The following AR variants were observed in gnomAD, a reference collection of about 807,000 sequenced individuals.
AR encodes dihydrotestosterone receptor.
A neutral mutation model predicts 53.9 loss-of-function variants in AR; 8 were observed. The observed-to-expected ratio is 0.15, with a 90% CI of 0.09 to 0.27. The LOEUF (loss-of-function observed/expected upper bound fraction) is 0.27, where lower values mean the gene tolerates loss of function less well. Among genes scored for constraint, AR ranks in the 10% least tolerant of loss-of-function variants. The pLI, the probability that AR is intolerant of heterozygous loss-of-function variation, is 1.00. For missense variants in AR, 639 were observed against 742.5 expected, an observed-to-expected ratio of 0.86 and a Z score of 1.62; for synonymous variants, 359 against 316.4, an observed-to-expected ratio of 1.13 and a Z score of -1.43.
intron 1 of AR, among the ~76,000 whole-genome samples, chrX:67,627,158 G>A (rs1924713957): frequency 9.0e-6 from 1 of 111,076 alleles, no homozygotes; most frequent in Non-Finnish European, 1.9e-5. Flanking sequence ...TAATGGGATG[G>A]CTGGTTCAAA....
intron 1 of AR, among the ~76,000 whole-genome samples, chrX:67,619,703 A>G (rs1303561302): frequency 9.0e-6 from 1 of 111,330 alleles, no homozygotes; most frequent in Non-Finnish European, 1.9e-5. Context: ...AAATGAGGTT[A>G]AAGTATGTAG....
chrX:67,553,904 G>A (rs1479990089), intron 1 of AR, among the ~76,000 whole-genome samples: 1 of 111,984 alleles, frequency 8.9e-6, no homozygotes, highest in Non-Finnish European at 1.9e-5. Flanking sequence ...CTGCAACCTT[G>A]CTGAAAATAC....
At chrX:67,596,455 T>G (rs1288564556) in intron 1 of AR, among the ~76,000 whole-genome samples, 2 of 111,867 alleles carry the variant, frequency 1.8e-5, no homozygotes, top group Admixed American at 9.5e-5. Context: ...AAAAGCATTT[T>G]AAAGTCTCAT....
In AR at chrX:67,724,203, G is replaced by A. The variant is rs1244550186; in HGVS notation, c.*362G>A. Reference sequence around the variant, plus strand: ...ACTACTCTGTGCCAGCCACACAAACGTTTACTTATCTTATGCCACGGGAAG... The same window carrying A: ...ACTACTCTGTGCCAGCCACACAAACATTTACTTATCTTATGCCACGGGAAG... On this transcript the variant is annotated 3_prime_UTR_variant, in exon 8 of 8. Transcript: ENST00000374690. 1.0e-5 allele frequency: 2 copies of A among 197,085 alleles called. No individual in the cohort carries two copies. Among genetic ancestry groups the A allele is most frequent in the Non-Finnish European group, 9.3e-6 (1 of 107,362 alleles). 16.2% of individuals were successfully genotyped at this position (197,085 alleles called of 1,213,427 possible). A position where few individuals can be genotyped will look rare whatever the true frequency, so the allele number is the denominator to read the frequency against.
At position 67,724,113 on chromosome X, in the gene AR, T is replaced by C; in HGVS notation, c.*272T>C. On this transcript the variant is annotated 3_prime_UTR_variant, in exon 8 of 8. Coordinates refer to ENST00000374690, the MANE Select transcript of AR (RefSeq NM_000044.6). ...GCTCCTATCTGTGTTTTGAATGGTG[T>C]TGTATGCCTTTAAATCTGTGATGAT... 1 of 378,168 alleles carries C rather than the reference T, an allele frequency of 2.6e-6. No individual in the cohort carries two copies. The highest frequency in any genetic ancestry group is 4.6e-6 in the Non-Finnish European group (1 of 215,418). 31.2% of individuals were successfully genotyped at this position (378,168 alleles called of 1,213,427 possible).
chrX:67,606,766 G>A (rs1923645571), intron 1 of AR, among the ~76,000 whole-genome samples: 1 of 112,105 alleles, frequency 8.9e-6, no homozygotes, highest in Non-Finnish European at 1.9e-5. Flanking sequence ...TATCCCAGTA[G>A]GATTTGCATT....
chrX:67,597,508 A>G (rs1299769198), intron 1 of AR, among the ~76,000 whole-genome samples: 1 of 112,005 alleles, frequency 8.9e-6, no homozygotes, highest in African/African-American at 3.2e-5. Context: ...TCATGTTGCC[A>G]GATATTAACC....
intron 1 of AR, among the ~76,000 whole-genome samples, chrX:67,607,576 G>C (rs918793387): frequency 8.9e-6 from 1 of 112,291 alleles, no homozygotes; most frequent in African/African-American, 3.2e-5. Flanking sequence ...GACAGCTGTT[G>C]TTAATGTACT....
At position 67,694,795 on chromosome X, in the gene AR, G is replaced by A. The variant is rs368492646; in HGVS notation, c.1885+8669G>A. On this transcript the variant is annotated intron_variant, in intron 3 of 7. Transcript: ENST00000374690. Reference sequence around the variant, plus strand: ...AGTGGATAGTCTGGAGAAACCTGGCGTCTGAGGCTTAGGAGCTTAGGTTTT... The same window carrying A: ...AGTGGATAGTCTGGAGAAACCTGGCATCTGAGGCTTAGGAGCTTAGGTTTT... 3.2e-3 allele frequency: 3,647 copies of A among 1,133,365 alleles called. 73 individuals are homozygous for A. In the South Asian group the frequency reaches 0.068, roughly 21 times the overall value. The allele number at this position is 1,133,365 out of a possible 1,213,427, so 93.4% of individuals were successfully genotyped here.
chrX:67,716,936 C>G (rs1178165939), intron 4 of AR, among the ~76,000 whole-genome samples: 2 of 111,963 alleles, frequency 1.8e-5, no homozygotes, highest in Non-Finnish European at 3.8e-5. Context: ...CTGCCAATTA[C>G]TAGCTGTATG....
At chrX:67,627,995 T>A (rs1339948016) in intron 1 of AR, among the ~76,000 whole-genome samples, 3 of 111,809 alleles carry the variant, frequency 2.7e-5, no homozygotes, top group Non-Finnish European at 5.6e-5. Context: ...CATTGATCTA[T>A]ATCTCTCTTT....
At chrX:67,654,894 T>C (rs1330332176) in intron 2 of AR, among the ~76,000 whole-genome samples, 1 of 98,210 alleles carries the variant, frequency 1.0e-5, no homozygotes, top group Non-Finnish European at 2.0e-5. Flanking sequence ...TGGAGGAATG[T>C]GGTTTGGTTA....
At chrX:67,712,182 C>G (rs759226721) in intron 4 of AR, among the ~76,000 whole-genome samples, 2 of 112,075 alleles carry the variant, frequency 1.8e-5, no homozygotes, top group Non-Finnish European at 3.8e-5. Context: ...CGGGTCTGCT[C>G]TTAGCTCTGC....
At position 67,730,527 on chromosome X, in the gene AR, A is replaced by G. The variant is rs752253422; in HGVS notation, c.*6686A>G. On this transcript the variant is annotated 3_prime_UTR_variant, in exon 8 of 8. Coordinates refer to ENST00000374690, the MANE Select transcript of AR (RefSeq NM_000044.6). The stretch of plus-strand genomic sequence containing the variant: ...ATCCCCTGTTATGGCTGCAGGATCG[A>G]GTTATTGTTAACAAAGAGACCCAAG... The G allele has an allele frequency of 3.3e-3, 566 of 171,284 alleles. 3 individuals are homozygous for G. Among genetic ancestry groups the G allele is most frequent in the African/African-American group, 0.016 (529 of 33,712 alleles). 14.1% of individuals were successfully genotyped at this position (171,284 alleles called of 1,213,427 possible).
chrX:67,559,107 T>A (rs1453127774), intron 1 of AR, among the ~76,000 whole-genome samples: 1 of 112,348 alleles, frequency 8.9e-6, no homozygotes, highest in Admixed American at 9.4e-5. Context: ...ACTCATATCC[T>A]TAATATGCAC....
At chrX:67,720,487 G>T (rs2076131173) in intron 5 of AR, among the ~76,000 whole-genome samples, 1 of 111,948 alleles carries the variant, frequency 8.9e-6, no homozygotes, top group Admixed American at 9.5e-5. Context: ...TTGGAGACTG[G>T]AGCAGAGCCA....
In AR at chrX:67,620,263, G is replaced by T. The variant is rs374860551; in HGVS notation, c.1617-22993G>T. On this transcript the variant is annotated intron_variant, in intron 1 of 7. Coordinates refer to ENST00000374690, the MANE Select transcript of AR (RefSeq NM_000044.6). ...CAAAAGGACTTTAAGATAGGTTTTG[G>T]TTTTTTTTTTCCCCAGGGTTTTTAT... Among the ~76,000 whole-genome samples the T allele has an allele frequency of 5.6e-4, 60 of 106,367 alleles. No homozygotes were observed. The South Asian group carries it at 8.6e-3, about 15-fold the overall frequency. The allele number at this position is 106,367 out of a possible 115,157, so 92.4% of individuals were successfully genotyped here. A position where few individuals can be genotyped will look rare whatever the true frequency, so the allele number is the denominator to read the frequency against.
Position 67,546,276 on chromosome X carries a change from C to T in AR, c.1130C>T (p.Pro377Leu), listed in dbSNP as rs2147320345. 4.2e-6 allele frequency: 5 copies of T among 1,204,699 alleles called. No individual in the cohort carries two copies. Among genetic ancestry groups the T allele is most frequent in the Non-Finnish European group, 5.6e-6 (5 of 892,330 alleles). ...FPLALAGPPP[P>L]PPPPHPHARI... ...CTGGCTCTGGCCGGACCGCCGCCCC[C>T]TCCGCCGCCTCCCCATCCCCACGCT... is the stretch of plus-strand genomic sequence containing the variant. Residue 377 changes from proline (P) to leucine (L), a missense_variant, in exon 1 of 8, where the codon CCT becomes CTT. Pro to Leu is a moderately conservative substitution (Grantham distance 98, BLOSUM62 -3). Transcript: ENST00000374690.
At chrX:67,602,238 G>C (rs554904306) in intron 1 of AR, among the ~76,000 whole-genome samples, 1 of 111,424 alleles carries the variant, frequency 9.0e-6, no homozygotes, top group African/African-American at 3.3e-5. Flanking sequence ...ATTTTTACCC[G>C]GACTGAGTTT....
Sources: allele counts gnomAD v4.1 joint callset (sites outside exome capture counted in the v4.1 genomes callset), GRCh38; gene constraint gnomAD v4.1.1; transcripts MANE v1.5; gene names NCBI Gene and HGNC (gene_info 2026-07-23, HGNC 2026-07-21).